ANK3: variants seen among roughly 807,000 people sequenced by gnomAD.
ANK3 encodes ankyrin 3.
Under a neutral mutation model 370.9 loss-of-function variants are expected in ANK3, and 57 were observed. That is an observed-to-expected ratio of 0.15 (90% confidence interval 0.12 to 0.19). The LOEUF is 0.19. Ranked by LOEUF, ANK3 falls within the 10% of genes least tolerant of loss-of-function variation. ANK3 has a pLI of 1.00. For missense variants in ANK3, 4,439 were observed against 5,302.1 expected (o/e 0.84, Z 5.06); for synonymous variants, 1,929 against 1,946.3 (o/e 0.99, Z 0.23).
At chr10:60,697,763 T>C (rs2079483408) in intron 1 of ANK3, among the ~76,000 whole-genome samples, 1 of 152,164 alleles carries the variant, frequency 6.6e-6, no homozygotes, top group South Asian at 2.1e-4. Context: ...TCAAGATGGA[T>C]TAAAGACTTA....
At chr10:60,151,041 T>C (rs2095088537) in intron 23 of ANK3, among the ~76,000 whole-genome samples, 1 of 152,180 alleles carries the variant, frequency 6.6e-6, no homozygotes, top group African/African-American at 2.4e-5. Flanking sequence ...CTAATAGTAC[T>C]TTAAATTAGG....
chr10:60,483,278 A>G (rs909801094), intron 2 of ANK3, among the ~76,000 whole-genome samples: 1 of 152,238 alleles, frequency 6.6e-6, no homozygotes, highest in African/African-American at 2.4e-5. Context: ...CATGATTCAT[A>G]CTAAGCAAAG....
chr10:60,222,290 C>T (rs10994257), intron 8 of ANK3, among the ~76,000 whole-genome samples: 40,480 of 151,944 alleles, frequency 0.27, 6,282 homozygotes, highest in East Asian at 0.47. Flanking sequence ...CAGTGGAAAA[C>T]GAGTGCCTAG....
At chr10:60,247,496 T>G (rs2097574409) in intron 7 of ANK3, among the ~76,000 whole-genome samples, 1 of 152,192 alleles carries the variant, frequency 6.6e-6, no homozygotes, top group Non-Finnish European at 1.5e-5. Context: ...TGAAAAACTT[T>G]ATAGCCATTA....
At chr10:60,348,347 C>CAAAAAAAAAAA (rs35147179) in intron 1 of ANK3, among the ~76,000 whole-genome samples, 4 of 68,150 alleles carry the variant, frequency 5.9e-5, no homozygotes, top group Admixed American at 3.5e-4. Context: ...TATCACTAGC[C>CAAAAAAAAAAA]AAAAAAAAAA....
At chr10:60,456,672 C>G (rs907713792) in intron 2 of ANK3, among the ~76,000 whole-genome samples, 9 of 152,076 alleles carry the variant, frequency 5.9e-5, no homozygotes, top group Non-Finnish European at 1.2e-4. Flanking sequence ...GGCTCTAGCA[C>G]CATTCATTCT....
intron 7 of ANK3, among the ~76,000 whole-genome samples, chr10:60,236,612 T>C (rs936919811): frequency 6.6e-6 from 1 of 152,224 alleles, no homozygotes; most frequent in Admixed American, 6.5e-5. Context: ...TCTAGTTAAA[T>C]GCTTTTAATG....
At chr10:60,334,464 GT>G (rs2052292047) in intron 1 of ANK3, among the ~76,000 whole-genome samples, 1 of 152,116 alleles carries the variant, frequency 6.6e-6, no homozygotes, top group East Asian at 1.9e-4. Context: ...ATATCTGCCA[GT>G]TAGAGAGGTT....
chr10:60,511,045 A>G lies in ANK3; in HGVS notation c.96+104141T>C, dbSNP rs548292499. On this transcript the variant is annotated intron_variant, in intron 2 of 43. Transcript: ENST00000373827. ...TTTTTTTAAGGAGAAAATAGCATTC[A>G]TCAGGTCTAGTTAACTTCTGTTTCT... 3.3e-4 allele frequency among the ~76,000 whole-genome samples: 50 copies of G among 152,236 alleles called. 1 individual carries two copies. Among genetic ancestry groups the G allele is most frequent in the Middle Eastern group, 3.4e-3 (1 of 292 alleles).
intron 2 of ANK3, among the ~76,000 whole-genome samples, chr10:60,595,443 G>A (rs2077974632): frequency 6.6e-6 from 1 of 152,062 alleles, no homozygotes; most frequent in Non-Finnish European, 1.5e-5. Context: ...TTCCTGGTTG[G>A]GGCCACAAGA....
intron 1 of ANK3, among the ~76,000 whole-genome samples, chr10:60,364,098 A>T (rs2059058473): frequency 6.6e-6 from 1 of 151,394 alleles, no homozygotes; most frequent in African/African-American, 2.4e-5. Flanking sequence ...GTTCCTGACC[A>T]GCCTGGCCAA....
At chr10:60,472,526 GT>G (rs2065244004) in intron 2 of ANK3, among the ~76,000 whole-genome samples, 1 of 152,112 alleles carries the variant, frequency 6.6e-6, no homozygotes, top group Non-Finnish European at 1.5e-5. Context: ...ATAGAGTTGG[GT>G]TTTTGTTTAG....
intron 1 of ANK3, among the ~76,000 whole-genome samples, chr10:60,330,169 A>G (rs2050880664): frequency 6.6e-6 from 1 of 152,248 alleles, no homozygotes; most frequent in Non-Finnish European, 1.5e-5. Flanking sequence ...GTAAGACCTA[A>G]AACCATAAAA....
intron 24 of ANK3, among the ~76,000 whole-genome samples, chr10:60,137,139 G>A (rs748254226): frequency 3.8e-4 from 57 of 151,834 alleles, no homozygotes; most frequent in Non-Finnish European, 7.9e-4. Flanking sequence ...TAAATTTTGC[G>A]TAAGTAATAT....
At chr10:60,122,352 T>C (rs1375058265) in intron 25 of ANK3, among the ~76,000 whole-genome samples, 2 of 152,184 alleles carry the variant, frequency 1.3e-5, no homozygotes, top group Non-Finnish European at 2.9e-5. Context: ...CTGCAAAGAG[T>C]GTGCCTGGCC....
chr10:60,284,133 G>A (rs2098207733), intron 1 of ANK3, among the ~76,000 whole-genome samples: 1 of 152,106 alleles, frequency 6.6e-6, no homozygotes, highest in Non-Finnish European at 1.5e-5. Flanking sequence ...GGACACATAA[G>A]AGAGATGATG....
intron 43 of ANK3, among the ~76,000 whole-genome samples, chr10:60,037,895 A>G (rs538084118): frequency 6.6e-6 from 1 of 152,290 alleles, no homozygotes; most frequent in African/African-American, 2.4e-5. Context: ...GGTTGAACTA[A>G]TTTGCACTCC....
chr10:60,393,450 G>A (rs540704562), upstream of ANK3, among the ~76,000 whole-genome samples: 3 of 152,252 alleles, frequency 2.0e-5, no homozygotes, highest in South Asian at 4.1e-4. Flanking sequence ...CATTATTAGA[G>A]CATGAATCTT....
intron 1 of ANK3, among the ~76,000 whole-genome samples, chr10:60,334,837 C>T (rs1390924062): frequency 6.6e-6 from 1 of 152,090 alleles, no homozygotes; most frequent in Non-Finnish European, 1.5e-5. Flanking sequence ...TTAAACTGGA[C>T]TCCATGGGAC....
Sources: allele counts gnomAD v4.1 joint callset (sites outside exome capture counted in the v4.1 genomes callset), GRCh38; gene constraint gnomAD v4.1.1; transcripts MANE v1.5; gene names NCBI Gene and HGNC (gene_info 2026-07-23, HGNC 2026-07-21).